Variants in BCL9 observed in about 807,000 individuals in gnomAD.
The protein encoded by BCL9 is B-cell CLL/lymphoma 9 protein.
In BCL9, 25 loss-of-function variants were observed where a neutral mutation model predicts 88.5. That is an observed-to-expected ratio of 0.28 (90% CI 0.21 to 0.39). The LOEUF is 0.39. Among genes scored for constraint, BCL9 ranks in the 10% least tolerant of loss-of-function variants. The probability of loss-of-function intolerance (pLI) is 1.00; values close to 1 mark genes in which losing one functional copy is unlikely to be tolerated. For missense variants in BCL9, 1,817 were observed against 1,877.8 expected, an observed-to-expected ratio of 0.97 and a Z score of 0.60; for synonymous variants, 711 against 673.3, an observed-to-expected ratio of 1.06 and a Z score of -0.87.
At position 147,611,805 on chromosome 1, in the gene BCL9, C is replaced by A. The variant is rs144244785; in HGVS notation, c.-32C>A. 3 of 1,609,914 alleles carry A rather than the reference C, an allele frequency of 1.9e-6. No homozygotes were observed. The highest frequency in any genetic ancestry group is 1.1e-5 in the South Asian group (1 of 90,976). On this transcript the variant is annotated 5_prime_UTR_variant, in exon 4 of 10. Coordinates refer to ENST00000234739, the MANE Select transcript of BCL9 (RefSeq NM_004326.4). The stretch of plus-strand genomic sequence containing the variant: ...CGAGAGGAACTCGGTGAGCCTGTCC[C>A]GTTTGTGACTGCAAGCTCAGGATTT...
intron 1 of BCL9, among the ~76,000 whole-genome samples, chr1:147,555,580 T>C (rs77019637): frequency 0.015 from 2,297 of 152,382 alleles, 34 homozygotes; most frequent in East Asian, 0.056. Flanking sequence ...TTTATTTTAA[T>C]TTAAAACATG....
intron 1 of BCL9, among the ~76,000 whole-genome samples, chr1:147,567,178 G>T (rs1553196816): frequency 6.6e-6 from 1 of 152,130 alleles, no homozygotes; most frequent in Admixed American, 6.5e-5. Flanking sequence ...CCCTCCTTCT[G>T]CTGACACACA....
At chr1:147,579,775 A>G (rs1553198421) in intron 1 of BCL9, among the ~76,000 whole-genome samples, 1 of 152,162 alleles carries the variant, frequency 6.6e-6, no homozygotes. Flanking sequence ...AGTGGGGCCC[A>G]TTATCCCAAC....
At chr1:147,605,620 T>C (rs2101598412) in intron 2 of BCL9, among the ~76,000 whole-genome samples, 1 of 152,342 alleles carries the variant, frequency 6.6e-6, no homozygotes, top group African/African-American at 2.4e-5. Context: ...TACATTAATA[T>C]TTTGCTTGGA....
In BCL9 at chr1:147,625,382, T is replaced by G. The variant is rs907850152; in HGVS notation, c.*423T>G. 1 of 233,538 alleles carries G rather than the reference T, an allele frequency of 4.3e-6. No homozygotes were observed. Among genetic ancestry groups the G allele is most frequent in the Admixed American group, 5.4e-5 (1 of 18,498 alleles). The allele number at this position is 233,538 out of a possible 1,614,324, so 14.5% of individuals were successfully genotyped here. A position where few individuals can be genotyped will look rare whatever the true frequency, so the allele number is the denominator to read the frequency against. On this transcript the variant is annotated 3_prime_UTR_variant, in exon 10 of 10. Transcript: ENST00000234739. Reference sequence around the variant, plus strand: ...TTTTTTTCTGTGTACTGTACTATATTGTAAAAGGGATTTTAGCAGAGACTT... The same window carrying G: ...TTTTTTTCTGTGTACTGTACTATATGGTAAAAGGGATTTTAGCAGAGACTT...
chr1:147,619,330 C>G lies in BCL9; in HGVS notation c.1175C>G (p.Pro392Arg). 1 of 1,614,036 alleles carries G rather than the reference C, an allele frequency of 6.2e-7. No individual in the cohort carries two copies. The change falls in exon 8 of 10, where the codon CCT becomes CGT. Residue 392 changes from proline (P) to arginine (R), a missense_variant. Pro to Arg is a moderately radical substitution (Grantham distance 103, BLOSUM62 -2). This residue lies in a region of BCL9 where 1,228 missense variants were observed against 1,191.6 expected (regional missense o/e 1.03). Coordinates refer to ENST00000234739, the MANE Select transcript of BCL9 (RefSeq NM_004326.4). The surrounding 1 kb of genome is among the most constrained non-coding windows in gnomAD (Gnocchi z 4.1). ...CAAAGTGGGGGACCGCAGCAGAATC[C>G]TGGGGTATTAGATGGGCCTCAGAAA... is the stretch of plus-strand genomic sequence containing the variant. ...GAQSGGPQQN[P>R]GVLDGPQKKP... is the part of the protein sequence containing the mutation.
chr1:147,620,197 C>T lies in BCL9; in HGVS notation c.2042C>T (p.Pro681Leu), dbSNP rs782526271. The T allele has an allele frequency of 6.2e-7, 1 of 1,613,960 alleles. No individual in the cohort carries two copies. Among genetic ancestry groups the T allele is most frequent in the Non-Finnish European group, 8.5e-7 (1 of 1,179,882 alleles). The change falls in exon 8 of 10, where the codon CCA (proline) becomes CTA (leucine). Residue 681 changes from proline to leucine, a missense_variant. By Grantham distance (98) the Pro-to-Leu change is moderately conservative (BLOSUM62 -3). Transcript: ENST00000234739. Reference sequence around the variant, plus strand: ...AATAACCCCATTTTCCCTCGAATACCAGTTGAGGGCCCTCTGAGTCCTTCT... The same window carrying T: ...AATAACCCCATTTTCCCTCGAATACTAGTTGAGGGCCCTCTGAGTCCTTCT... ...PGNNPIFPRI[P>L]VEGPLSPSRG...
At chr1:147,586,379 T>A (rs1462555699) in intron 1 of BCL9, among the ~76,000 whole-genome samples, 1 of 152,296 alleles carries the variant, frequency 6.6e-6, no homozygotes, top group Middle Eastern at 3.4e-3. Context: ...TAAGTTCTTC[T>A]GTCTGGTAAA....
At chr1:147,602,722 G>A (rs1657462323) in intron 1 of BCL9, among the ~76,000 whole-genome samples, 2 of 152,312 alleles carry the variant, frequency 1.3e-5, no homozygotes, top group Admixed American at 6.5e-5. Context: ...TTTCCATAGA[G>A]TTCTCATTGT....
Position 147,566,175 on chromosome 1 carries a change from G to A in BCL9, c.-478+24501G>A, listed in dbSNP as rs143718167. ...GAAAAGCATTTCTAAAGACAACAGG[G>A]CACCACAGTTGAGGCAGGAAATATG... On this transcript the variant is annotated intron_variant, in intron 1 of 9. Coordinates refer to ENST00000234739, the MANE Select transcript of BCL9 (RefSeq NM_004326.4). 2.2e-4 allele frequency among the ~76,000 whole-genome samples: 33 copies of A among 152,256 alleles called. 1 individual carries two copies. In the East Asian group the frequency reaches 6.0e-3, roughly 28 times the overall value.
At chr1:147,558,622 T>G (rs1655226600) in intron 1 of BCL9, among the ~76,000 whole-genome samples, 1 of 152,164 alleles carries the variant, frequency 6.6e-6, no homozygotes, top group Non-Finnish European at 1.5e-5. Context: ...GAGTGAGCCT[T>G]ACGCATCTTA....
At chr1:147,615,429 C>G (rs1658228209) in intron 6 of BCL9, among the ~76,000 whole-genome samples, 1 of 152,236 alleles carries the variant, frequency 6.6e-6, no homozygotes, top group South Asian at 2.1e-4. Context: ...AAAAGTGAAT[C>G]TTAACAGCCT....
At chr1:147,606,660 T>A (rs1553202031) in intron 2 of BCL9, 124 bp from the exon 3 acceptor site, 1 of 152,230 alleles carries the variant, frequency 6.6e-6, no homozygotes, top group Non-Finnish European at 1.5e-5. Context: ...GATGACAGCT[T>A]CGTCTTAAAC....
intron 1 of BCL9, among the ~76,000 whole-genome samples, chr1:147,547,245 T>C (rs1280801784): frequency 1.3e-5 from 2 of 152,156 alleles, no homozygotes; most frequent in Non-Finnish European, 2.9e-5. Context: ...ATATGAGTAA[T>C]AAGCTGCTTC....
At position 147,620,403 on chromosome 1, in the gene BCL9, T is replaced by C. The variant is rs1553205028; in HGVS notation, c.2248T>C (p.Leu750=). The change falls in exon 8 of 10, where the codon TTA becomes CTA. Residue 750 remains leucine (L), a synonymous_variant. Transcript: ENST00000234739. The part of the protein sequence containing the change: ...AGAGPEEMLK[L]RPGGSDMLPA... ...GGCGGGCCCTGAGGAGATGCTGAAA[T>C]TACGCCCAGGTGGCTCAGACATGCT... is the stretch of plus-strand genomic sequence containing the variant. 6.2e-7 allele frequency: 1 copy of C among 1,613,736 alleles called. No individual in the cohort carries two copies.
chr1:147,610,176 C>A (rs1275015115), intron 3 of BCL9, among the ~76,000 whole-genome samples: 45 of 147,578 alleles, frequency 3.0e-4, no homozygotes, highest in African/African-American at 3.9e-4. Flanking sequence ...TAGTCTAAAC[C>A]AAAAAAAAAA....
chr1:147,610,559 C>A (rs377179976), intron 3 of BCL9, among the ~76,000 whole-genome samples: 1 of 152,292 alleles, frequency 6.6e-6, no homozygotes, highest in Non-Finnish European at 1.5e-5. Flanking sequence ...TTCTAACTCC[C>A]TTTGGTTCTG....
At chr1:147,615,942 T>C in intron 7 of BCL9, 40 bp downstream of exon 7, 1 of 1,552,402 alleles carries the variant, frequency 6.4e-7, no homozygotes, top group Non-Finnish European at 8.9e-7. Flanking sequence ...TTAATGATTC[T>C]ACAGTGACTG....
chr1:147,550,234 C>T (rs781886220), intron 1 of BCL9, among the ~76,000 whole-genome samples: 20 of 152,048 alleles, frequency 1.3e-4, no homozygotes, highest in African/African-American at 3.1e-4. Flanking sequence ...AGGGGTAGAG[C>T]GGTTGTCACT....
Sources: allele counts gnomAD v4.1 joint callset (sites outside exome capture counted in the v4.1 genomes callset), GRCh38; gene constraint gnomAD v4.1.1; regional missense constraint gnomAD v4.1.1; non-coding constraint Gnocchi (gnomAD v3.1); transcripts MANE v1.5; gene names NCBI Gene and HGNC (gene_info 2026-07-23, HGNC 2026-07-21).